SLC25A48: variants seen among roughly 807,000 people sequenced by gnomAD.
The protein encoded by SLC25A48 is solute carrier family 25 member 48.
Under a neutral mutation model 32.2 loss-of-function variants are expected in SLC25A48, and 29 were observed. That is an observed-to-expected ratio of 0.90 (90% CI 0.67 to 1.23). The LOEUF (loss-of-function observed/expected upper bound fraction) is 1.23. Among genes scored for constraint, SLC25A48 ranks in the 50% most tolerant of loss-of-function variants. The pLI is 0.00. For synonymous variants in SLC25A48, 164 were observed against 172.3 expected, an observed-to-expected ratio of 0.95 and a Z score of 0.38; for missense variants, 399 against 422.7, an observed-to-expected ratio of 0.94 and a Z score of 0.49.
At chr5:135,626,455 C>T (rs956533223) in intron 1 of SLC25A48, among the ~76,000 whole-genome samples, 2 of 152,154 alleles carry the variant, frequency 1.3e-5, no homozygotes, top group Non-Finnish European at 2.9e-5. Context: ...ACATTGAGCC[C>T]TCAAGCCAAA....
intron 4 of SLC25A48, among the ~76,000 whole-genome samples, chr5:135,827,924 T>A (rs1410785623): frequency 6.6e-6 from 1 of 152,188 alleles, no homozygotes; most frequent in East Asian, 1.9e-4. Context: ...GGTATCTATG[T>A]CTATGGTACA....
At chr5:135,885,897 TGGA>T (rs764643321) in intron 7 of SLC25A48, among the ~76,000 whole-genome samples, 71 of 152,250 alleles carry the variant, frequency 4.7e-4, no homozygotes, top group Admixed American at 1.4e-3. Context: ...AGTGCAGAAA[TGGA>T]GGGGCAGAAT....
intron 3 of SLC25A48, among the ~76,000 whole-genome samples, chr5:135,737,234 G>A (rs1198488565): frequency 1.3e-5 from 2 of 152,044 alleles, no homozygotes; most frequent in Non-Finnish European, 2.9e-5. Context: ...GATTTGGGTA[G>A]GTAGTGGAAA....
chr5:135,808,542 C>A (rs1461720396), intron 3 of SLC25A48, among the ~76,000 whole-genome samples: 1 of 152,076 alleles, frequency 6.6e-6, no homozygotes, highest in East Asian at 1.9e-4. Flanking sequence ...TCATCCATCT[C>A]TTGGCTGCCT....
At chr5:135,797,583 G>C (rs1289783315) in intron 3 of SLC25A48, among the ~76,000 whole-genome samples, 1 of 151,796 alleles carries the variant, frequency 6.6e-6, no homozygotes, top group African/African-American at 2.4e-5. Context: ...CTGTGATATT[G>C]CTGTCAGTAT....
intron 1 of SLC25A48, among the ~76,000 whole-genome samples, chr5:135,623,446 G>A (rs1390417908): frequency 6.6e-6 from 1 of 152,216 alleles, no homozygotes; most frequent in Non-Finnish European, 1.5e-5. Flanking sequence ...ATACCAACAT[G>A]TCTGGGGAAG....
chr5:135,626,237 A>G (rs1403743263), intron 1 of SLC25A48, among the ~76,000 whole-genome samples: 2 of 152,252 alleles, frequency 1.3e-5, no homozygotes, highest in African/African-American at 4.8e-5. Context: ...ATTTAAAGTG[A>G]CAAATTCCTG....
intron 3 of SLC25A48, among the ~76,000 whole-genome samples, chr5:135,765,123 G>A (rs1480694507): frequency 6.6e-6 from 1 of 151,540 alleles, no homozygotes; most frequent in African/African-American, 2.4e-5. Flanking sequence ...ACCCCTTTGT[G>A]ATATGGTTCC....
chr5:135,820,120 C>G (rs6859042), intron 4 of SLC25A48, among the ~76,000 whole-genome samples: 116,643 of 152,124 alleles, frequency 0.77, 45,111 homozygotes, highest in Middle Eastern at 0.86. Context: ...AGACTTGTAC[C>G]TAACCATTTC....
At position 135,843,331 on chromosome 5, in the gene SLC25A48, G is replaced by A. The variant is rs78381352; in HGVS notation, c.90+872G>A. Among the ~76,000 whole-genome samples, 1,199 of 152,248 alleles carry A rather than the reference G, an allele frequency of 7.9e-3. 10 individuals are homozygous for A. The highest frequency in any genetic ancestry group is 0.017 in the Middle Eastern group (5 of 294). ...ATTTTATATAGGAGGGGGGTAAGGT[G>A]CAGAGTTTAGGAACCTGCCCCAGAC... On this transcript the variant is annotated intron_variant, in intron 2 of 7. Transcript: ENST00000681962.
At chr5:135,675,373 G>C (rs1379608443) in intron 3 of SLC25A48, among the ~76,000 whole-genome samples, 2 of 151,796 alleles carry the variant, frequency 1.3e-5, no homozygotes, top group East Asian at 3.9e-4. Flanking sequence ...TTCTGTTTTT[G>C]TTGCCTATGC....
intron 3 of SLC25A48, among the ~76,000 whole-genome samples, chr5:135,751,100 A>G (rs1755761085): frequency 6.6e-6 from 1 of 152,204 alleles, no homozygotes; most frequent in Non-Finnish European, 1.5e-5. Flanking sequence ...GCATGAGTCC[A>G]GGAGAACCAC....
At chr5:135,860,667 G>A (rs1248965429) in intron 4 of SLC25A48, among the ~76,000 whole-genome samples, 2 of 152,218 alleles carry the variant, frequency 1.3e-5, no homozygotes, top group African/African-American at 2.4e-5. Context: ...TGGGGCTGGG[G>A]CTGGCTGCAG....
At chr5:135,715,362 G>A (rs1321406353) in intron 3 of SLC25A48, among the ~76,000 whole-genome samples, 2 of 152,214 alleles carry the variant, frequency 1.3e-5, no homozygotes, top group African/African-American at 4.8e-5. Flanking sequence ...TCTGGGGTTT[G>A]ACCCAGTGGC....
intron 1 of SLC25A48, among the ~76,000 whole-genome samples, chr5:135,608,225 A>G (rs990838634): frequency 3.9e-5 from 6 of 152,170 alleles, no homozygotes; most frequent in Non-Finnish European, 8.8e-5. Flanking sequence ...CTGATCCTTT[A>G]TATGCTCAAG....
At chr5:135,787,352 G>T (rs1195403507) in intron 3 of SLC25A48, among the ~76,000 whole-genome samples, 4 of 151,874 alleles carry the variant, frequency 2.6e-5, no homozygotes, top group African/African-American at 9.7e-5. Flanking sequence ...ATCTCACTGG[G>T]TGTAGACCCT....
At chr5:135,704,535 T>C (rs1378652898) in intron 3 of SLC25A48, among the ~76,000 whole-genome samples, 1 of 152,224 alleles carries the variant, frequency 6.6e-6, no homozygotes, top group Non-Finnish European at 1.5e-5. Flanking sequence ...AGTTACTTTA[T>C]GGGACACATG....
intron 3 of SLC25A48, among the ~76,000 whole-genome samples, chr5:135,647,173 C>T (rs1267416627): frequency 6.6e-6 from 1 of 152,028 alleles, no homozygotes. Flanking sequence ...TAGAAATAAA[C>T]AAATAAATGA....
intron 1 of SLC25A48, among the ~76,000 whole-genome samples, chr5:135,621,354 C>T (rs982603725): frequency 1.1e-4 from 17 of 152,074 alleles, no homozygotes; most frequent in Admixed American, 1.1e-3. Flanking sequence ...ATTATGTTTT[C>T]AGTTTATGGG....
Sources: gnomAD v4.1 joint callset for allele counts (sites outside exome capture counted in the v4.1 genomes callset) on GRCh38, gnomAD v4.1.1 for gene constraint, MANE v1.5 for transcripts, NCBI Gene and HGNC (gene_info 2026-07-23, HGNC 2026-07-21) for gene names.